FBXL20: variants seen among roughly 807,000 people sequenced by gnomAD.
FBXL20 encodes the protein F-box/LRR-repeat protein 20.
A neutral mutation model predicts 64.0 loss-of-function variants in FBXL20; 11 were observed. The observed-to-expected ratio is 0.17, with a 90% CI of 0.11 to 0.28. FBXL20 has a LOEUF of 0.28. Among genes scored for constraint, FBXL20 ranks in the 10% least tolerant of loss-of-function variants. The probability of loss-of-function intolerance (pLI) is 1.00; values close to 1 mark genes in which losing one functional copy is unlikely to be tolerated. For synonymous variants in FBXL20, 184 were observed against 189.0 expected, an observed-to-expected ratio of 0.97 and a Z score of 0.22; for missense variants, 303 against 526.2, an observed-to-expected ratio of 0.58 and a Z score of 4.15.
At chr17:39,305,701 T>C (rs530054989) in intron 2 of FBXL20, among the ~76,000 whole-genome samples, 2 of 152,102 alleles carry the variant, frequency 1.3e-5, no homozygotes, top group South Asian at 2.1e-4. Context: ...ATTTTAAAAA[T>C]TAAGCCGGGA....
intron 1 of FBXL20, among the ~76,000 whole-genome samples, chr17:39,381,820 G>A (rs1398289604): frequency 6.6e-6 from 1 of 151,632 alleles, no homozygotes; most frequent in African/African-American, 2.4e-5. Context: ...AAAAAGGCCG[G>A]GCACAGTGGC....
chr17:39,363,256 C>T (rs1409461542), intron 1 of FBXL20, among the ~76,000 whole-genome samples: 1 of 149,846 alleles, frequency 6.7e-6, no homozygotes, highest in Admixed American at 6.7e-5. Flanking sequence ...TCAGGTGATC[C>T]ACCAGCCTGG....
chr17:39,273,158 C>T (rs1488710908), intron 10 of FBXL20, among the ~76,000 whole-genome samples: 1 of 152,074 alleles, frequency 6.6e-6, no homozygotes, highest in Non-Finnish European at 1.5e-5. Flanking sequence ...GCTGGGATTA[C>T]AGGAGTGGGC....
At chr17:39,358,555 C>A (rs183896999) in intron 1 of FBXL20, among the ~76,000 whole-genome samples, 2 of 152,070 alleles carry the variant, frequency 1.3e-5, no homozygotes, top group South Asian at 4.1e-4. Flanking sequence ...TGGTGGCGTA[C>A]GCCTGTAATC....
chr17:39,300,717 A>G (rs760996308), intron 4 of FBXL20, among the ~76,000 whole-genome samples: 2 of 152,202 alleles, frequency 1.3e-5, no homozygotes, highest in African/African-American at 4.8e-5. Context: ...CATAGATTCA[A>G]TGTTTCCACT....
chr17:39,358,053 T>C (rs183854498), intron 1 of FBXL20, among the ~76,000 whole-genome samples: 70 of 152,298 alleles, frequency 4.6e-4, no homozygotes, highest in Admixed American at 1.6e-3. Context: ...AAGCTTATAA[T>C]GTAATCCAGT....
chr17:39,372,077 C>T (rs1220447312), intron 1 of FBXL20, among the ~76,000 whole-genome samples: 3 of 152,170 alleles, frequency 2.0e-5, no homozygotes, highest in Non-Finnish European at 4.4e-5. Flanking sequence ...TGACCCACCT[C>T]TCTTCTGCTA....
chr17:39,265,068 A>C (rs1190015159), intron 13 of FBXL20, among the ~76,000 whole-genome samples: 1 of 152,236 alleles, frequency 6.6e-6, no homozygotes, highest in Non-Finnish European at 1.5e-5. Flanking sequence ...AAGGTGAAGC[A>C]AATTGTATTT....
chr17:39,348,678 A>G (rs140189990), intron 1 of FBXL20, among the ~76,000 whole-genome samples: 4 of 152,296 alleles, frequency 2.6e-5, no homozygotes, highest in Non-Finnish European at 5.9e-5. Context: ...CATAGGCAGT[A>G]ATTCACAAAG....
At chr17:39,270,773 T>C (rs1157710845) in intron 11 of FBXL20, 23 bp downstream of exon 11, 2 of 1,588,212 alleles carry the variant, frequency 1.3e-6, no homozygotes, top group Non-Finnish European at 1.7e-6. Context: ...AACAAACCTA[T>C]GGAACCTAAA....
chr17:39,298,599 C>T (rs2047107282), intron 5 of FBXL20, among the ~76,000 whole-genome samples: 1 of 152,076 alleles, frequency 6.6e-6, no homozygotes, highest in South Asian at 2.1e-4. Context: ...TACACGTCTT[C>T]AGTCACAGCT....
intron 9 of FBXL20, among the ~76,000 whole-genome samples, chr17:39,280,401 CAAAAAA>C (rs369912448): frequency 8.0e-5 from 8 of 100,358 alleles, no homozygotes; most frequent in Middle Eastern, 4.5e-3. Flanking sequence ...GACTCTGTCT[CAAAAAA>C]AAAAAAAAAA....
intron 14 of FBXL20, among the ~76,000 whole-genome samples, chr17:39,263,319 G>A (rs1411509584): frequency 1.3e-5 from 2 of 152,112 alleles, no homozygotes; most frequent in African/African-American, 2.4e-5. Context: ...GTTTGAAACC[G>A]GCCTGGGCAA....
At chr17:39,321,838 G>T (rs1490962149) in intron 2 of FBXL20, among the ~76,000 whole-genome samples, 1 of 150,592 alleles carries the variant, frequency 6.6e-6, no homozygotes, top group African/African-American at 2.4e-5. Flanking sequence ...CCTGAAGTAA[G>T]CGTACTATGA....
intron 1 of FBXL20, among the ~76,000 whole-genome samples, chr17:39,344,309 C>T (rs2047611274): frequency 6.6e-6 from 1 of 151,252 alleles, no homozygotes; most frequent in Non-Finnish European, 1.5e-5. Flanking sequence ...TGAGATCACA[C>T]CACTGCACTC....
chr17:39,391,378 A>C (rs9906612), intron 1 of FBXL20, among the ~76,000 whole-genome samples: 32,565 of 152,062 alleles, frequency 0.21, 4,013 homozygotes, highest in African/African-American at 0.33. Context: ...AAGAAATCTA[A>C]GAACACTGGC....
chr17:39,342,324 G>T (rs1342185286), intron 2 of FBXL20, among the ~76,000 whole-genome samples: 1 of 151,798 alleles, frequency 6.6e-6, no homozygotes, highest in African/African-American at 2.4e-5. Context: ...CCAGCACCCT[G>T]AGAGGCTGAT....
chr17:39,374,753 A>G (rs1386075898), intron 1 of FBXL20, among the ~76,000 whole-genome samples: 1 of 152,178 alleles, frequency 6.6e-6, no homozygotes, highest in East Asian at 1.9e-4. Context: ...TGAAATGGAC[A>G]GAATTTAAGC....
rs1346299683 is a variant in FBXL20 at position 39,261,175 on chromosome 17, G to C, written c.*285C>G. 2.5e-5 allele frequency: 8 copies of C among 324,890 alleles called. No homozygotes were observed. Among genetic ancestry groups the C allele is most frequent in the Non-Finnish European group, 1.7e-5 (3 of 171,678 alleles). 20.1% of individuals were successfully genotyped at this position (324,890 alleles called of 1,614,324 possible). A position where few individuals can be genotyped will look rare whatever the true frequency, so the allele number is the denominator to read the frequency against. ...TGCTGGAATGCCCCTCCCTATCTTG[G>C]CCTATGATTTTCTTATGGGCACCTC... On this transcript the variant is annotated 3_prime_UTR_variant, in exon 15 of 15. Coordinates refer to ENST00000264658, the MANE Select transcript of FBXL20 (RefSeq NM_032875.3).
Sources: gnomAD v4.1 joint callset for allele counts (sites outside exome capture counted in the v4.1 genomes callset) on GRCh38, gnomAD v4.1.1 for gene constraint, MANE v1.5 for transcripts, NCBI Gene and HGNC (gene_info 2026-07-23, HGNC 2026-07-21) for gene names.